The following PCDHA5 variants were observed in gnomAD, a reference collection of about 807,000 sequenced individuals.
PCDHA5 encodes protocadherin alpha-5.
In PCDHA5, 43 loss-of-function variants were observed where a neutral mutation model predicts 61.6. The observed-to-expected ratio is 0.70, with a 90% CI of 0.55 to 0.90. The LOEUF (loss-of-function observed/expected upper bound fraction) is 0.90. Ranked by LOEUF, PCDHA5 falls within the 40% of genes least tolerant of loss-of-function variation. PCDHA5 has a pLI of 0.00. For missense variants in PCDHA5, 1,298 were observed against 1,222.7 expected (o/e 1.06, Z -0.92); for synonymous variants, 627 against 543.9 (o/e 1.15, Z -2.13).
intron 1 of PCDHA5, among the ~76,000 whole-genome samples, chr5:140,908,488 A>G (rs2073999089): frequency 6.6e-6 from 1 of 152,206 alleles, no homozygotes; most frequent in Non-Finnish European, 1.5e-5. Flanking sequence ...TAGGCAGTTC[A>G]GGTTGCTTGG....
chr5:140,932,583 G>A (rs1007147257), intron 1 of PCDHA5, among the ~76,000 whole-genome samples: 29 of 151,810 alleles, frequency 1.9e-4, no homozygotes, highest in Admixed American at 1.8e-3. Flanking sequence ...AGGGTAATTA[G>A]ATGTTTTGTA....
chr5:140,970,854 T>TC (rs112843531), intron 1 of PCDHA5, among the ~76,000 whole-genome samples: 13,960 of 152,238 alleles, frequency 0.092, 852 homozygotes, highest in African/African-American at 0.17. Context: ...GCACAAAAGT[T>TC]CCATTCCTGA....
intron 1 of PCDHA5, chr5:140,843,803 T>C: frequency 7.7e-7 from 1 of 1,305,734 alleles, no homozygotes. Context: ...TTTTTCACCG[T>C]ATTTTATAGT....
rs182752192 is a variant in PCDHA5 at position 140,839,718 on chromosome 5, T to A, written c.2352+15591T>A. ...TAAATAATGTGATGACAAATTTAAATCATTTCACAGAAAATACCCTTATTT... is the reference window on the plus strand; with the variant it reads ...TAAATAATGTGATGACAAATTTAAAACATTTCACAGAAAATACCCTTATTT... On this transcript the variant is annotated intron_variant, in intron 1 of 3. Transcript: ENST00000529859. Among the ~76,000 whole-genome samples the A allele has an allele frequency of 7.0e-4, 106 of 152,196 alleles. 2 individuals are homozygous for A. The highest frequency in any genetic ancestry group is 2.5e-3 in the African/African-American group (104 of 41,490).
chr5:140,939,579 A>AT (rs2153642013), intron 1 of PCDHA5, among the ~76,000 whole-genome samples: 1 of 152,306 alleles, frequency 6.6e-6, no homozygotes, highest in African/African-American at 2.4e-5. Context: ...AAAATGGAAA[A>AT]TTTTAACATA....
At chr5:140,924,725 C>G (rs1015635507) in intron 1 of PCDHA5, among the ~76,000 whole-genome samples, 1 of 151,698 alleles carries the variant, frequency 6.6e-6, no homozygotes, top group East Asian at 1.9e-4. Context: ...CGAAACCTCA[C>G]CTCTAATAAA....
intron 1 of PCDHA5, among the ~76,000 whole-genome samples, chr5:140,915,232 C>A (rs1554196813): frequency 1.3e-5 from 2 of 152,274 alleles, no homozygotes; most frequent in Admixed American, 6.5e-5. Flanking sequence ...CAGGCATGAG[C>A]CACCATGCCT....
intron 1 of PCDHA5, among the ~76,000 whole-genome samples, chr5:140,910,949 C>T (rs1413845849): frequency 1.3e-5 from 2 of 152,112 alleles, no homozygotes; most frequent in African/African-American, 2.4e-5. Context: ...CAGTTCTTTT[C>T]GAGTGTAGCA....
At chr5:140,864,331 T>C (rs2048422342) in intron 1 of PCDHA5, 1 of 152,248 alleles carries the variant, frequency 6.6e-6, no homozygotes, top group Admixed American at 6.5e-5. Flanking sequence ...CATAATTATT[T>C]GAGTTTAAAA....
intron 1 of PCDHA5, chr5:140,841,894 G>T (rs2150324994): frequency 6.2e-7 from 1 of 1,613,814 alleles, no homozygotes; most frequent in Non-Finnish European, 8.5e-7. Flanking sequence ...AGAATAAACT[G>T]GTTGAGCTCG....
At chr5:140,917,070 G>A (rs528403297) in intron 1 of PCDHA5, among the ~76,000 whole-genome samples, 14 of 152,102 alleles carry the variant, frequency 9.2e-5, no homozygotes, top group Non-Finnish European at 1.9e-4. Context: ...ACAGCACCGA[G>A]TTTAATGTAA....
chr5:140,927,870 G>A (rs1302526715), intron 1 of PCDHA5: 1 of 1,614,100 alleles, frequency 6.2e-7, no homozygotes. Context: ...CCGCTAAACT[G>A]CTGGTGGAGG....
In PCDHA5 at chr5:140,936,286, A is replaced by G. The variant is rs73266055; in HGVS notation, c.2353-42663A>G. Among the ~76,000 whole-genome samples the G allele has an allele frequency of 3.3e-3, 501 of 152,358 alleles. 2 individuals are homozygous for G. The highest frequency in any genetic ancestry group is 0.012 in the African/African-American group (482 of 41,580). On this transcript the variant is annotated intron_variant, in intron 1 of 3. Transcript: ENST00000529859. ...AAGATATATTCCTGTGTTTTCTTCT[A>G]TAACATTGCTATCCAATAGAACTTT...
At chr5:140,833,791 C>T (rs1164373898) in intron 1 of PCDHA5, among the ~76,000 whole-genome samples, 2 of 152,062 alleles carry the variant, frequency 1.3e-5, no homozygotes, top group Non-Finnish European at 2.9e-5. Context: ...TCTCTTTCAT[C>T]AATCAGTAGA....
intron 1 of PCDHA5, among the ~76,000 whole-genome samples, chr5:140,959,109 G>A (rs1401809702): frequency 1.3e-5 from 2 of 152,040 alleles, no homozygotes; most frequent in African/African-American, 4.8e-5. Context: ...GCAGGGGTCC[G>A]AAGGTGGGCG....
At chr5:140,998,094 GCAAA>G (rs1182835904) in intron 3 of PCDHA5, among the ~76,000 whole-genome samples, 7 of 152,226 alleles carry the variant, frequency 4.6e-5, no homozygotes, top group African/African-American at 1.4e-4. Flanking sequence ...AAATGCTAGA[GCAAA>G]CAGAGGAGAA....
At chr5:140,893,898 C>T (rs2064223960) in intron 1 of PCDHA5, among the ~76,000 whole-genome samples, 9 of 152,114 alleles carry the variant, frequency 5.9e-5, no homozygotes, top group Admixed American at 5.2e-4. Flanking sequence ...GTTACTTTAC[C>T]TTCTGAATTT....
intron 1 of PCDHA5, among the ~76,000 whole-genome samples, chr5:140,845,288 C>A (rs1304336704): frequency 6.7e-6 from 1 of 149,098 alleles, no homozygotes; most frequent in Non-Finnish European, 1.5e-5. Flanking sequence ...ATTTCCTATC[C>A]TGTCTATGTC....
intron 1 of PCDHA5, among the ~76,000 whole-genome samples, chr5:140,922,177 A>C (rs1194396252): frequency 2.9e-5 from 2 of 69,034 alleles, no homozygotes; most frequent in African/African-American, 9.2e-5. Context: ...TACAGCAGAC[A>C]AAAAAAAAGT....
Sources: gnomAD v4.1 joint callset for allele counts (sites outside exome capture counted in the v4.1 genomes callset) on GRCh38, gnomAD v4.1.1 for gene constraint, MANE v1.5 for transcripts, NCBI Gene and HGNC (gene_info 2026-07-23, HGNC 2026-07-21) for gene names.